The following CDH4 variants were observed in gnomAD, a reference collection of about 807,000 sequenced individuals.
CDH4 encodes the protein cadherin-4.
In CDH4, 33 loss-of-function variants were observed where a neutral mutation model predicts 86.0. The observed-to-expected ratio is 0.38, with a 90% CI of 0.29 to 0.51. The LOEUF is 0.51. Among genes scored for constraint, CDH4 ranks in the 20% least tolerant of loss-of-function variants. The pLI is 0.86. For synonymous variants in CDH4, 555 were observed against 549.4 expected (o/e 1.01, Z -0.14); for missense variants, 1,114 against 1,307.4 (o/e 0.85, Z 2.28).
chr20:61,882,458 T>G (rs6121829), intron 7 of CDH4, among the ~76,000 whole-genome samples: 81,622 of 152,140 alleles, frequency 0.54, 24,197 homozygotes, highest in Non-Finnish European at 0.67. Context: ...AGATTTCTAT[T>G]CAAATCCCGC....
intron 2 of CDH4, among the ~76,000 whole-genome samples, chr20:61,469,582 A>AT (rs1403483923): frequency 6.6e-6 from 1 of 151,974 alleles, no homozygotes; most frequent in Non-Finnish European, 1.5e-5. Flanking sequence ...TTATTTGTCC[A>AT]TTTTTGCTTT....
intron 2 of CDH4, among the ~76,000 whole-genome samples, chr20:61,536,411 G>C (rs934061444): frequency 2.0e-5 from 3 of 150,976 alleles, no homozygotes; most frequent in African/African-American, 7.3e-5. Context: ...TCCATCATGA[G>C]ACAAATGATA....
intron 6 of CDH4, among the ~76,000 whole-genome samples, chr20:61,853,415 C>T (rs1188469703): frequency 1.3e-5 from 2 of 152,146 alleles, no homozygotes; most frequent in Admixed American, 6.5e-5. Context: ...GAGAGAGGCC[C>T]GGACTCCCCC....
intron 2 of CDH4, among the ~76,000 whole-genome samples, chr20:61,494,967 G>C (rs1003593671): frequency 2.0e-5 from 3 of 152,226 alleles, no homozygotes; most frequent in African/African-American, 7.2e-5. Flanking sequence ...GCCCTGCACT[G>C]GGGAAACTGA....
At chr20:61,884,650 C>T (rs893776108) in intron 7 of CDH4, among the ~76,000 whole-genome samples, 2 of 152,126 alleles carry the variant, frequency 1.3e-5, no homozygotes, top group Non-Finnish European at 2.9e-5. Context: ...TCCGCACCCC[C>T]GGACCTGCAT....
chr20:61,565,289 ATGGTGGTGGCGGTGCTCT>A (rs1413097960), intron 2 of CDH4, among the ~76,000 whole-genome samples: 5,308 of 18,004 alleles, frequency 0.29, 1,115 homozygotes, highest in African/African-American at 0.5. Flanking sequence ...TGATGGGGTG[ATGGTGGTGGCGGTGCTCT>A]TGGTGGTGGC....
chr20:61,266,569 A>G (rs1319683525), intron 2 of CDH4, among the ~76,000 whole-genome samples: 1 of 151,862 alleles, frequency 6.6e-6, no homozygotes, highest in Admixed American at 6.6e-5. Context: ...TTCCGCTTCC[A>G]GGAAGGTCCA....
At chr20:61,927,686 CAG>C (rs1050366514) in intron 11 of CDH4, among the ~76,000 whole-genome samples, 3 of 152,230 alleles carry the variant, frequency 2.0e-5, no homozygotes, top group South Asian at 4.1e-4. Flanking sequence ...TCCCAGCCCT[CAG>C]GGGCCAGTGC....
intron 2 of CDH4, among the ~76,000 whole-genome samples, chr20:61,329,853 C>T (rs2084562320): frequency 1.1e-5 from 1 of 94,104 alleles, no homozygotes; most frequent in Admixed American, 1.0e-4. Context: ...CCCCCCACCC[C>T]ATCCCCCGAC....
intron 2 of CDH4, among the ~76,000 whole-genome samples, chr20:61,398,579 C>G (rs745805122): frequency 5.3e-5 from 8 of 152,228 alleles, no homozygotes; most frequent in Non-Finnish European, 7.3e-5. Flanking sequence ...AAATTCCCTC[C>G]TCTTCTAGGG....
At chr20:61,583,443 G>A (rs182253305) in intron 2 of CDH4, among the ~76,000 whole-genome samples, 11 of 152,192 alleles carry the variant, frequency 7.2e-5, no homozygotes, top group Admixed American at 4.6e-4. Flanking sequence ...GGGGAGACGG[G>A]GGTTGTCACA....
At chr20:61,521,661 G>A (rs2085869867) in intron 2 of CDH4, among the ~76,000 whole-genome samples, 1 of 152,172 alleles carries the variant, frequency 6.6e-6, no homozygotes, top group Non-Finnish European at 1.5e-5. Flanking sequence ...CATGAGCCTG[G>A]CTGAAACTAG....
chr20:61,711,856 T>A (rs548973077), intron 2 of CDH4, among the ~76,000 whole-genome samples: 2 of 151,968 alleles, frequency 1.3e-5, no homozygotes, highest in Non-Finnish European at 2.9e-5. Context: ...GGAAGTGGTA[T>A]TCCAGCTGCA....
chr20:61,422,550 T>A (rs990563071), intron 2 of CDH4, among the ~76,000 whole-genome samples: 3 of 149,842 alleles, frequency 2.0e-5, no homozygotes, highest in African/African-American at 7.3e-5. Flanking sequence ...TATAAACATA[T>A]GAATATTTTT....
intron 2 of CDH4, among the ~76,000 whole-genome samples, chr20:61,600,693 C>T (rs1186867621): frequency 6.6e-6 from 1 of 152,210 alleles, no homozygotes. Flanking sequence ...TATAAGAAGG[C>T]ATAGTATATG....
chr20:61,354,689 G>A (rs182208851), intron 2 of CDH4, among the ~76,000 whole-genome samples: 5 of 152,310 alleles, frequency 3.3e-5, no homozygotes, highest in Admixed American at 6.5e-5. Context: ...GTGGCTGACC[G>A]GGGCCTGCCC....
At chr20:61,280,177 G>C (rs945011891) in intron 2 of CDH4, among the ~76,000 whole-genome samples, 2 of 152,158 alleles carry the variant, frequency 1.3e-5, no homozygotes, top group African/African-American at 4.8e-5. Flanking sequence ...GTGTGGGATG[G>C]GCTCTCTGAG....
intron 2 of CDH4, among the ~76,000 whole-genome samples, chr20:61,686,660 C>T (rs559987845): frequency 2.2e-5 from 3 of 139,320 alleles, no homozygotes; most frequent in South Asian, 2.3e-4. Context: ...TGTGTGCATT[C>T]GCGTGTATGT....
intron 2 of CDH4, among the ~76,000 whole-genome samples, chr20:61,629,070 A>G (rs1300867122): frequency 1.3e-5 from 2 of 152,266 alleles, no homozygotes; most frequent in Non-Finnish European, 2.9e-5. Flanking sequence ...CTGCACAGGC[A>G]GGCAGGAGCT....
Sources: gnomAD v4.1 joint callset for allele counts (sites outside exome capture counted in the v4.1 genomes callset) on GRCh38, gnomAD v4.1.1 for gene constraint, MANE v1.5 for transcripts, NCBI Gene and HGNC (gene_info 2026-07-23, HGNC 2026-07-21) for gene names.